Variants in ATG4C observed in about 807,000 individuals in gnomAD.
ATG4C encodes autophagy related 4C cysteine peptidase, also known as cysteine protease ATG4C.
In ATG4C, 56 loss-of-function variants were observed where a neutral mutation model predicts 57.6. That is an observed-to-expected ratio of 0.97 (90% CI 0.78 to 1.21). The LOEUF (loss-of-function observed/expected upper bound fraction) is 1.21, where lower values mean the gene tolerates loss of function less well. ATG4C is among the 50% of genes most tolerant of loss of function. The probability of loss-of-function intolerance (pLI) is 0.00; values close to 1 mark genes in which losing one functional copy is unlikely to be tolerated. For missense variants in ATG4C, 595 were observed against 529.8 expected, an observed-to-expected ratio of 1.12 and a Z score of -1.21; for synonymous variants, 157 against 174.1, an observed-to-expected ratio of 0.90 and a Z score of 0.78.
intron 1 of ATG4C, among the ~76,000 whole-genome samples, chr1:62,794,740 A>G (rs934772101): frequency 6.6e-6 from 1 of 152,204 alleles, no homozygotes; most frequent in African/African-American, 2.4e-5. Flanking sequence ...CTGACCATTT[A>G]TAGAGTACAA....
chr1:62,784,325 C>T (rs1314931602), intron 1 of ATG4C, 52 bp downstream of exon 1: 2 of 152,358 alleles, frequency 1.3e-5, no homozygotes, highest in Non-Finnish European at 2.9e-5. Context: ...GACTTAGCGT[C>T]TCTGGTCCCC....
In ATG4C at chr1:62,816,796, T is replaced by A; in HGVS notation, c.382T>A (p.Phe128Ile). The change falls in exon 4 of 11, where the codon TTT becomes ATT. Residue 128 changes from phenylalanine (F) to isoleucine (I), a missense_variant. Transcript: ENST00000317868. ...CTTGGCTCAAGGACTCATACTACAC[T>A]TTCTTGGTAGAGGTAAATCAAATTT... is the stretch of plus-strand genomic sequence containing the variant. The part of the protein sequence containing the change: ...MLLAQGLILH[F>I]LGRAWTWPDA... 1 of 1,561,530 alleles carries A rather than the reference T, an allele frequency of 6.4e-7. No homozygotes were observed.
intron 7 of ATG4C, among the ~76,000 whole-genome samples, chr1:62,833,581 T>C (rs183118416): frequency 7.0e-4 from 107 of 152,242 alleles, no homozygotes; most frequent in African/African-American, 2.4e-3. Flanking sequence ...GATTAGAAAA[T>C]GGCTTTCAAT....
chr1:62,847,168 CT>C (rs1384750784), intron 10 of ATG4C, among the ~76,000 whole-genome samples: 1 of 152,150 alleles, frequency 6.6e-6, no homozygotes, highest in Non-Finnish European at 1.5e-5. Context: ...GAGAACGAGA[CT>C]TTGTCTCAAA....
chr1:62,820,681 T>C (rs1665453368), intron 5 of ATG4C, among the ~76,000 whole-genome samples: 2 of 152,050 alleles, frequency 1.3e-5, no homozygotes, highest in Admixed American at 6.6e-5. Flanking sequence ...TCAGGTCATA[T>C]AGGTTTTTGA....
rs755966686 is a variant in ATG4C at position 62,819,009 on chromosome 1, G to T, written c.399G>T (p.Trp133Cys). The T allele has an allele frequency of 6.4e-6, 10 of 1,551,462 alleles. No homozygotes were observed. The East Asian group carries it at 1.3e-4, about 21-fold the overall frequency. The stretch of plus-strand genomic sequence containing the variant: ...TTTGCTTTGGAACTACTATAGCTTG[G>T]ACCTGGCCTGATGCTTTGAATATTG... The part of the protein sequence containing the change: ...GLILHFLGRA[W>C]TWPDALNIEN... Residue 133 changes from tryptophan (W) to cysteine (C), a missense_variant, in exon 5 of 11, where the codon TGG becomes TGT. Transcript: ENST00000317868.
chr1:62,828,618 G>T (rs1372383479), intron 6 of ATG4C, among the ~76,000 whole-genome samples: 1 of 152,090 alleles, frequency 6.6e-6, no homozygotes, highest in Non-Finnish European at 1.5e-5. Context: ...TTACTATTTT[G>T]ATAGTTTCTT....
At chr1:62,854,921 G>A (rs949260273) in intron 10 of ATG4C, among the ~76,000 whole-genome samples, 29 of 152,086 alleles carry the variant, frequency 1.9e-4, no homozygotes, top group African/African-American at 6.5e-4. Context: ...AGGACCCTAC[G>A]GTTTCCTATT....
intron 7 of ATG4C, 23 bp downstream of exon 7, chr1:62,829,199 T>C (rs750661278): frequency 6.2e-7 from 1 of 1,610,014 alleles, no homozygotes; most frequent in African/African-American, 1.3e-5. Flanking sequence ...TGCTGAACTT[T>C]TTTAGGGCAA....
intron 9 of ATG4C, 64 bp from the exon 10 acceptor site, chr1:62,841,364 A>G: frequency 7.4e-7 from 1 of 1,357,112 alleles, no homozygotes; most frequent in Non-Finnish European, 1.0e-6. Flanking sequence ...AATTTTAAAT[A>G]ATAGTTTTAT....
chr1:62,845,050 T>A (rs933632966), intron 10 of ATG4C, among the ~76,000 whole-genome samples: 4 of 152,064 alleles, frequency 2.6e-5, no homozygotes, highest in African/African-American at 9.7e-5. Flanking sequence ...ACAAATAATG[T>A]TTTAAATAAT....
intron 10 of ATG4C, among the ~76,000 whole-genome samples, chr1:62,842,358 A>G (rs1018651960): frequency 6.7e-6 from 1 of 149,040 alleles, no homozygotes; most frequent in South Asian, 2.1e-4. Flanking sequence ...CTGGAGTGCA[A>G]TGGCGCGATC....
intron 3 of ATG4C, among the ~76,000 whole-genome samples, chr1:62,811,077 C>G (rs190169933): frequency 6.6e-6 from 1 of 152,222 alleles, no homozygotes; most frequent in East Asian, 1.9e-4. Flanking sequence ...TTTCAGTTCC[C>G]TTTCTATTTG....
At chr1:62,788,895 T>G (rs895093063) in intron 1 of ATG4C, among the ~76,000 whole-genome samples, 8 of 152,106 alleles carry the variant, frequency 5.3e-5, no homozygotes, top group African/African-American at 1.9e-4. Context: ...TTTTTACTAT[T>G]ACATGGGTGA....
At chr1:62,834,428 G>C (rs192778019) in intron 8 of ATG4C, among the ~76,000 whole-genome samples, 1 of 152,180 alleles carries the variant, frequency 6.6e-6, no homozygotes, top group Admixed American at 6.5e-5. Flanking sequence ...AGTGGTGCAA[G>C]TAGATGATAA....
intron 3 of ATG4C, among the ~76,000 whole-genome samples, chr1:62,809,044 C>T (rs1664977676): frequency 6.6e-6 from 1 of 152,070 alleles, no homozygotes; most frequent in African/African-American, 2.4e-5. Context: ...AATGATCTTC[C>T]CGTCTCAGTC....
chr1:62,809,436 AATAC>A (rs1201985804), intron 3 of ATG4C, among the ~76,000 whole-genome samples: 3 of 147,928 alleles, frequency 2.0e-5, no homozygotes, highest in South Asian at 2.1e-4. Flanking sequence ...TATATTTAAA[AATAC>A]ATATGTATAT....
At chr1:62,858,175 A>G (rs1479266533) in intron 10 of ATG4C, among the ~76,000 whole-genome samples, 1 of 152,202 alleles carries the variant, frequency 6.6e-6, no homozygotes, top group Non-Finnish European at 1.5e-5. Flanking sequence ...ATTGTTTTCT[A>G]TTATTTCTTT....
At chr1:62,855,792 C>T (rs1557995476) in intron 10 of ATG4C, among the ~76,000 whole-genome samples, 1 of 152,170 alleles carries the variant, frequency 6.6e-6, no homozygotes, top group Non-Finnish European at 1.5e-5. Context: ...AACTAATAAA[C>T]GGTGGTACTG....
Sources: gnomAD v4.1 joint callset for allele counts (sites outside exome capture counted in the v4.1 genomes callset) on GRCh38, gnomAD v4.1.1 for gene constraint, MANE v1.5 for transcripts, NCBI Gene and HGNC (gene_info 2026-07-23, HGNC 2026-07-21) for gene names.